PHLDB2: variants seen among roughly 807,000 people sequenced by gnomAD.
The protein encoded by PHLDB2 is pleckstrin homology like domain family B member 2, also known as pleckstrin homology-like domain family B member 2.
PHLDB2 carries 71 observed loss-of-function variants against 123.6 expected under a neutral mutation model. The ratio of observed to expected loss-of-function variants is 0.57; its 90% CI spans 0.47 to 0.70. The LOEUF (loss-of-function observed/expected upper bound fraction) is 0.70, where lower values mean the gene tolerates loss of function less well. Among genes scored for constraint, PHLDB2 ranks in the 30% least tolerant of loss-of-function variants. The pLI is 0.00. For synonymous variants in PHLDB2, 547 were observed against 541.6 expected (o/e 1.01, Z -0.14); for missense variants, 1,446 against 1,519.5 (o/e 0.95, Z 0.80).
intron 1 of PHLDB2, among the ~76,000 whole-genome samples, chr3:111,771,127 C>T (rs933988788): frequency 6.6e-6 from 1 of 152,176 alleles, no homozygotes; most frequent in Non-Finnish European, 1.5e-5. Flanking sequence ...AAAGAAGAAG[C>T]GGTGCCTAGC....
intron 1 of PHLDB2, among the ~76,000 whole-genome samples, chr3:111,794,551 G>A (rs1040497167): frequency 2.0e-5 from 3 of 152,142 alleles, no homozygotes; most frequent in South Asian, 2.1e-4. Flanking sequence ...ACAATTGCTG[G>A]AGGGTGCTAT....
At chr3:111,916,383 A>C (rs966224611) in intron 3 of PHLDB2, 5 of 152,216 alleles carry the variant, frequency 3.3e-5, no homozygotes, top group African/African-American at 1.2e-4. Flanking sequence ...TTGAGACAGC[A>C]GACAGAAAAT....
intron 2 of PHLDB2, among the ~76,000 whole-genome samples, chr3:111,901,395 T>C (rs2067196353): frequency 6.6e-6 from 1 of 152,024 alleles, no homozygotes; most frequent in African/African-American, 2.4e-5. Flanking sequence ...AATATTTTTA[T>C]GTGATATGAC....
At chr3:111,847,992 G>A (rs1476740993) in intron 2 of PHLDB2, among the ~76,000 whole-genome samples, 1 of 152,098 alleles carries the variant, frequency 6.6e-6, no homozygotes, top group Non-Finnish European at 1.5e-5. Context: ...GCTGAGGGGT[G>A]CACGTGAGGG....
At chr3:111,813,564 G>T (rs1055474007) in intron 1 of PHLDB2, among the ~76,000 whole-genome samples, 1 of 152,106 alleles carries the variant, frequency 6.6e-6, no homozygotes, top group Non-Finnish European at 1.5e-5. Context: ...AAAACAGCGT[G>T]TTACACAACA....
At chr3:111,803,579 A>G (rs1270271424) in intron 1 of PHLDB2, among the ~76,000 whole-genome samples, 1 of 152,130 alleles carries the variant, frequency 6.6e-6, no homozygotes, top group Non-Finnish European at 1.5e-5. Flanking sequence ...AGAATGGAAC[A>G]CCATCTCACC....
intron 2 of PHLDB2, among the ~76,000 whole-genome samples, chr3:111,847,084 A>C (rs2064028310): frequency 6.6e-6 from 1 of 152,318 alleles, no homozygotes; most frequent in Admixed American, 6.5e-5. Flanking sequence ...AGGAAATGAC[A>C]AGCTATTAGG....
At chr3:111,799,001 A>AG (rs1047462309) in intron 1 of PHLDB2, among the ~76,000 whole-genome samples, 83 of 152,342 alleles carry the variant, frequency 5.4e-4, no homozygotes, top group Non-Finnish European at 6.9e-4. Context: ...TCATGGCAGA[A>AG]GGGGAAGCAA....
chr3:111,862,935 G>A (rs1198103852), intron 1 of PHLDB2, among the ~76,000 whole-genome samples: 4 of 152,040 alleles, frequency 2.6e-5, no homozygotes, highest in African/African-American at 7.3e-5. Flanking sequence ...AGCTAAGGGC[G>A]GGCAGACAAA....
chr3:111,804,620 A>T (rs1172243162), intron 1 of PHLDB2, among the ~76,000 whole-genome samples: 2 of 152,234 alleles, frequency 1.3e-5, no homozygotes, highest in African/African-American at 2.4e-5. Context: ...CACTTGACTA[A>T]TAGGTTTCTA....
At chr3:111,938,328 A>G (rs1479340180) in intron 6 of PHLDB2, among the ~76,000 whole-genome samples, 1 of 152,210 alleles carries the variant, frequency 6.6e-6, no homozygotes, top group Non-Finnish European at 1.5e-5. Flanking sequence ...CCAGAGCAGT[A>G]CAATTGTTAC....
intron 2 of PHLDB2, among the ~76,000 whole-genome samples, chr3:111,911,899 C>G (rs1440308853): frequency 6.6e-6 from 1 of 152,056 alleles, no homozygotes; most frequent in East Asian, 1.9e-4. Context: ...TTGGTCTGTT[C>G]CTATTTGACT....
intron 1 of PHLDB2, among the ~76,000 whole-genome samples, chr3:111,748,517 G>A (rs894175226): frequency 6.6e-6 from 1 of 152,008 alleles, no homozygotes; most frequent in Non-Finnish European, 1.5e-5. Flanking sequence ...CCTGTTTATT[G>A]TCACCTCTTT....
intron 15 of PHLDB2, among the ~76,000 whole-genome samples, chr3:111,968,361 C>T (rs2071939772): frequency 6.6e-6 from 1 of 152,176 alleles, no homozygotes; most frequent in African/African-American, 2.4e-5. Flanking sequence ...CCCTTTGCTA[C>T]AGTAGTCCTC....
At chr3:111,738,974 C>T (rs185274015) in intron 1 of PHLDB2, among the ~76,000 whole-genome samples, 11 of 152,236 alleles carry the variant, frequency 7.2e-5, no homozygotes, top group African/African-American at 2.4e-4. Context: ...CAGGGCAACT[C>T]TGGGCAAGTC....
chr3:111,751,886 G>C (rs1401808662), intron 1 of PHLDB2, among the ~76,000 whole-genome samples: 1 of 152,124 alleles, frequency 6.6e-6, no homozygotes, highest in Admixed American at 6.6e-5. Context: ...CAATGAGCTA[G>C]AAAGTTGAAA....
At chr3:111,890,125 A>C (rs1376104728) in intron 2 of PHLDB2, among the ~76,000 whole-genome samples, 1 of 152,210 alleles carries the variant, frequency 6.6e-6, no homozygotes, top group East Asian at 1.9e-4. Context: ...GTCACCTCTC[A>C]CCTGACCAAG....
In PHLDB2 at chr3:111,969,890, A is replaced by G. The variant is rs1344094599; in HGVS notation, c.3516A>G (p.Arg1172=). ...KRWFVFDRNK[R]TFSYYADKHE... ...GGTTTGTTTTTGATCGGAACAAGCG[A>G]ACATTCTCTTATTATGCAGGTGGGT... The change falls in exon 16 of 18, where the codon CGA becomes CGG. Residue 1172 remains arginine (R), a synonymous_variant. Transcript: ENST00000431670. 2 of 1,613,992 alleles carry G rather than the reference A, an allele frequency of 1.2e-6. No individual in the cohort carries two copies. The highest frequency in any genetic ancestry group is 2.2e-5 in the South Asian group (2 of 91,088).
chr3:111,950,967 C>G (rs1255518873), intron 10 of PHLDB2, among the ~76,000 whole-genome samples: 1 of 152,192 alleles, frequency 6.6e-6, no homozygotes, highest in Non-Finnish European at 1.5e-5. Context: ...AGTAGCAAAA[C>G]AATCACAGTT....
Sources: allele counts gnomAD v4.1 joint callset (sites outside exome capture counted in the v4.1 genomes callset), GRCh38; gene constraint gnomAD v4.1.1; transcripts MANE v1.5; gene names NCBI Gene and HGNC (gene_info 2026-07-23, HGNC 2026-07-21).